Variants in DGCR8 observed in about 807,000 individuals in gnomAD.
DGCR8 encodes the protein microprocessor complex subunit DGCR8.
A neutral mutation model predicts 78.5 loss-of-function variants in DGCR8; 14 were observed. The observed-to-expected ratio is 0.18, with a 90% CI of 0.12 to 0.28. The LOEUF is 0.28. Ranked by LOEUF, DGCR8 falls within the 10% of genes least tolerant of loss-of-function variation. The pLI, the probability that DGCR8 is intolerant of heterozygous loss-of-function variation, is 1.00. For missense variants in DGCR8, 702 were observed against 1,022.5 expected (o/e 0.69, Z 4.28); for synonymous variants, 399 against 402.4 (o/e 0.99, Z 0.10).
intron 9 of DGCR8, among the ~76,000 whole-genome samples, chr22:20,099,577 G>A (rs2050866990): frequency 6.6e-6 from 1 of 152,250 alleles, no homozygotes; most frequent in Admixed American, 6.5e-5. Flanking sequence ...GCAACTCCTT[G>A]TTCTTAGCAA....
chr22:20,109,939 T>C lies in DGCR8; in HGVS notation c.2239-86T>C. On this transcript the variant is annotated intron_variant, in intron 13 of 13. Coordinates refer to ENST00000351989, the MANE Select transcript of DGCR8 (RefSeq NM_022720.7). ...GGCTCCAGGGCCTCCTGGCATGATC[T>C]GCTGGGCTCTCCCTCCACCTTGTGT... The C allele has an allele frequency of 3.0e-6, 4 of 1,337,838 alleles. No homozygotes were observed. The South Asian group carries it at 4.8e-5, about 16-fold the overall frequency. The allele number at this position is 1,337,838 out of a possible 1,614,324, so 82.9% of individuals were successfully genotyped here.
rs2049473322 is a variant in DGCR8 at position 20,085,672 on chromosome 22, T to A, written c.-277-15T>A. On this transcript the variant is annotated splice_polypyrimidine_tract_variant and intron_variant, in intron 1 of 13. Transcript: ENST00000351989. This position sits in a 1 kb window ranked among gnomAD's most constrained non-coding sequence, Gnocchi z 6.2. Reference sequence around the variant, plus strand: ...TTCTGTCATTTTGTGACGATATTTTTAAATTTCTTTGCAGGTAGAAGAAGA... The same window carrying A: ...TTCTGTCATTTTGTGACGATATTTTAAAATTTCTTTGCAGGTAGAAGAAGA... 6.2e-6 allele frequency: 8 copies of A among 1,286,334 alleles called. No individual in the cohort carries two copies. Among genetic ancestry groups the A allele is most frequent in the South Asian group, 3.0e-5 (1 of 33,770 alleles). 79.7% of individuals were successfully genotyped at this position (1,286,334 alleles called of 1,614,324 possible).
intron 1 of DGCR8, among the ~76,000 whole-genome samples, chr22:20,083,366 G>GGGGT (rs1555877746): frequency 2.0e-5 from 3 of 149,430 alleles, no homozygotes; most frequent in Non-Finnish European, 4.4e-5. Context: ...CATCTAGGAT[G>GGGGT]GTGTGTGTGT....
In DGCR8 at chr22:20,089,575, C is replaced by A; in HGVS notation, c.881-94C>A. The A allele has an allele frequency of 1.4e-6, 2 of 1,403,208 alleles. No homozygotes were observed. Among genetic ancestry groups the A allele is most frequent in the Non-Finnish European group, 9.9e-7 (1 of 1,008,264 alleles). 86.9% of individuals were successfully genotyped at this position (1,403,208 alleles called of 1,614,324 possible). On this transcript the variant is annotated intron_variant, in intron 3 of 13. Transcript: ENST00000351989. This position sits in a 1 kb window ranked among gnomAD's most constrained non-coding sequence, Gnocchi z 4.9. Reference sequence around the variant, plus strand: ...CTGTGAAGACCCAGTTAAACACATGCTAGTACCCAACAATTTCTTGTGCAG... The same window carrying A: ...CTGTGAAGACCCAGTTAAACACATGATAGTACCCAACAATTTCTTGTGCAG...
At chr22:20,106,527 C>A in intron 10 of DGCR8, 65 bp from the exon 11 acceptor site, 3 of 1,222,954 alleles carry the variant, frequency 2.5e-6, no homozygotes, top group Non-Finnish European at 3.6e-6. Context: ...CCAGAGCAGG[C>A]CTCCTCAGAG....
At chr22:20,093,978 G>T (rs1185584202) in intron 8 of DGCR8, among the ~76,000 whole-genome samples, 3 of 152,202 alleles carry the variant, frequency 2.0e-5, no homozygotes, top group Non-Finnish European at 4.4e-5. Flanking sequence ...AGAGACTTTT[G>T]CAGCTCAACA....
intron 9 of DGCR8, among the ~76,000 whole-genome samples, chr22:20,099,047 C>T (rs537638149): frequency 1.8e-4 from 27 of 152,254 alleles, no homozygotes; most frequent in African/African-American, 6.3e-4. Context: ...CAGGGATTTT[C>T]GTAAATTCCC....
At position 20,108,958 on chromosome 22, in the gene DGCR8, C is replaced by A. The variant is rs1436641032; in HGVS notation, c.2193C>A (p.Ile731=). ...AGAAGAACAAGCCCAACCTGCACAT[C>A]CTCAGCAAGCTCCAAGAGGAGATGA... ...YAKKNKPNLH[I]LSKLQEEMKR... is the part of the protein sequence containing the mutation. The change falls in exon 13 of 14, where the codon ATC becomes ATA. Residue 731 remains isoleucine (I), a synonymous_variant. Transcript: ENST00000351989. 5 of 1,611,144 alleles carry A rather than the reference C, an allele frequency of 3.1e-6. No individual in the cohort carries two copies. The East Asian group carries it at 6.7e-5, about 22-fold the overall frequency.
At chr22:20,093,187 C>T (rs545465963) in intron 8 of DGCR8, among the ~76,000 whole-genome samples, 12 of 152,048 alleles carry the variant, frequency 7.9e-5, no homozygotes, top group African/African-American at 2.9e-4. Flanking sequence ...GGGCAGATCA[C>T]GAGGTCAGGA....
intron 1 of DGCR8, among the ~76,000 whole-genome samples, chr22:20,081,050 C>T (rs923643005): frequency 3.3e-5 from 5 of 152,226 alleles, no homozygotes; most frequent in Non-Finnish European, 7.3e-5. Context: ...AGACTAGACT[C>T]CCAGCTGTGG....
chr22:20,094,447 G>C (rs377762234), intron 8 of DGCR8, among the ~76,000 whole-genome samples: 1 of 152,178 alleles, frequency 6.6e-6, no homozygotes, highest in Non-Finnish European at 1.5e-5. Flanking sequence ...ATACAGCTCC[G>C]AGCTCCTCCC....
chr22:20,094,892 T>G, intron 9 of DGCR8, 97 bp downstream of exon 9: 1 of 997,960 alleles, frequency 1.0e-6, no homozygotes, highest in South Asian at 1.3e-5. Context: ...GCTGTGCTCA[T>G]GCCTTCCATG....
Position 20,110,264 on chromosome 22 carries a change from C to A in DGCR8, c.*156C>A. 2.9e-6 allele frequency: 2 copies of A among 679,206 alleles called. No individual in the cohort carries two copies. Among genetic ancestry groups the A allele is most frequent in the Non-Finnish European group, 4.9e-6 (2 of 404,782 alleles). 42.1% of individuals were successfully genotyped at this position (679,206 alleles called of 1,614,324 possible). A position where few individuals can be genotyped will look rare whatever the true frequency, so the allele number is the denominator to read the frequency against. On this transcript the variant is annotated 3_prime_UTR_variant, in exon 14 of 14. Coordinates refer to ENST00000351989, the MANE Select transcript of DGCR8 (RefSeq NM_022720.7). ...GCCTTAGGGTGGAGGCTTTAGTGTA[C>A]AGGGACAGCCATGGCCACACAGCAC...
At chr22:20,106,429 C>T in intron 10 of DGCR8, 152 bp downstream of exon 10, 2 of 815,034 alleles carry the variant, frequency 2.5e-6, no homozygotes, top group South Asian at 3.2e-5. Flanking sequence ...CCAGTCAGTC[C>T]CACAGGCCTG....
chr22:20,107,027 C>T (rs898705075), intron 11 of DGCR8: 23 of 580,944 alleles, frequency 4.0e-5, no homozygotes, highest in East Asian at 1.4e-4. Context: ...GGGAGGCTCT[C>T]GGCTGCGTGG....
In DGCR8 at chr22:20,108,945, C is replaced by G. The variant is rs1400788901; in HGVS notation, c.2180C>G (p.Pro727Arg). 1 of 1,611,924 alleles carries G rather than the reference C, an allele frequency of 6.2e-7. No homozygotes were observed. The highest frequency in any genetic ancestry group is 1.1e-5 in the South Asian group (1 of 91,030). The change falls in exon 13 of 14, where the codon CCC (proline) becomes CGC (arginine). Residue 727 changes from proline (P) to arginine (R), a missense_variant. Pro to Arg is a moderately radical substitution (Grantham distance 103, BLOSUM62 -2). Around this residue, in one of 4 missense-constraint regions of DGCR8, gnomAD observed 225 missense variants for 427.7 expected, o/e 0.53. Coordinates refer to ENST00000351989, the MANE Select transcript of DGCR8 (RefSeq NM_022720.7). ...ELQQYAKKNKPNLHILSKLQE... is the reference protein window; with the variant it reads ...ELQQYAKKNKRNLHILSKLQE... Reference sequence around the variant, plus strand: ...CAGCAGTATGCCAAGAAGAACAAGCCCAACCTGCACATCCTCAGCAAGCTC... The same window carrying G: ...CAGCAGTATGCCAAGAAGAACAAGCGCAACCTGCACATCCTCAGCAAGCTC...
At chr22:20,100,432 C>A (rs1711636932) in intron 9 of DGCR8, 1 of 985,432 alleles carries the variant, frequency 1.0e-6, no homozygotes. Flanking sequence ...TTCCAAGGCC[C>A]TCTGGGGAAG....
intron 9 of DGCR8, among the ~76,000 whole-genome samples, chr22:20,105,860 C>T (rs1454543387): frequency 6.6e-6 from 1 of 152,218 alleles, no homozygotes; most frequent in African/African-American, 2.4e-5. Flanking sequence ...AGAAGGGTGC[C>T]TTATGGATCA....
chr22:20,100,768 C>T (rs767338813), intron 9 of DGCR8: 13 of 985,248 alleles, frequency 1.3e-5, no homozygotes, highest in African/African-American at 1.7e-5. Flanking sequence ...TGGTGGCTTC[C>T]GCTGTAGACT....
Sources: allele counts gnomAD v4.1 joint callset (sites outside exome capture counted in the v4.1 genomes callset), GRCh38; gene constraint gnomAD v4.1.1; regional missense constraint gnomAD v4.1.1; non-coding constraint Gnocchi (gnomAD v3.1); transcripts MANE v1.5; gene names NCBI Gene and HGNC (gene_info 2026-07-23, HGNC 2026-07-21).